The following LBR variants were observed in gnomAD, a reference collection of about 807,000 sequenced individuals.
LBR encodes lamin B receptor, also known as delta(14)-sterol reductase LBR.
LBR carries 28 observed loss-of-function variants against 74.3 expected under a neutral mutation model. The observed-to-expected ratio is 0.38, with a 90% CI of 0.28 to 0.52. The LOEUF (loss-of-function observed/expected upper bound fraction) is 0.52. LBR is among the 20% of genes least tolerant of loss of function. The pLI is 0.89. For missense variants in LBR, 717 were observed against 760.3 expected (o/e 0.94, Z 0.67); for synonymous variants, 228 against 269.3 (o/e 0.85, Z 1.50).
rs1265688339 is a variant in LBR, at chr1:225,412,601, G to C, written c.937C>G (p.Leu313Val). Residue 313 changes from leucine to valine, a missense_variant, in exon 8 of 14, where the codon CTC becomes GTC. Coordinates refer to ENST00000272163, the MANE Select transcript of LBR (RefSeq NM_002296.4). The part of the protein sequence containing the change: ...ILTSAVIGTS[L>V]FQGVEFHYVY... ...TAATGAAACTCTACGCCCTGGAAGAGAGATGTTCCGATGACTGCAGATGTC... is the reference window on the plus strand; with the variant it reads ...TAATGAAACTCTACGCCCTGGAAGACAGATGTTCCGATGACTGCAGATGTC... The C allele has an allele frequency of 1.2e-6, 2 of 1,610,038 alleles. No homozygotes were observed. Among genetic ancestry groups the C allele is most frequent in the Non-Finnish European group, 8.5e-7 (1 of 1,178,170 alleles).
Position 225,403,592 on chromosome 1 carries a change from A to C in LBR, c.1688-129T>G, listed in dbSNP as rs2096085576. 10 of 717,072 alleles carry C rather than the reference A, an allele frequency of 1.4e-5. No homozygotes were observed. In the South Asian group the frequency reaches 1.6e-4, roughly 11 times the overall value. The allele number at this position is 717,072 out of a possible 1,614,324, so 44.4% of individuals were successfully genotyped here. On this transcript the variant is annotated intron_variant, in intron 13 of 13. Transcript: ENST00000272163. ...TTCATTTTCTCTAATAATGATGAGAATAATTAAACAAGTCTGTAAAATCCC... is the reference window on the plus strand; with the variant it reads ...TTCATTTTCTCTAATAATGATGAGACTAATTAAACAAGTCTGTAAAATCCC...
At chr1:225,424,414 A>G (rs1223257924) in intron 1 of LBR, among the ~76,000 whole-genome samples, 1 of 152,260 alleles carries the variant, frequency 6.6e-6, no homozygotes. Context: ...ACATTTTCTC[A>G]TTTGTAAATT....
At chr1:225,423,464 T>A (rs1417522) in intron 2 of LBR, among the ~76,000 whole-genome samples, 30 of 150,578 alleles carry the variant, frequency 2.0e-4, no homozygotes, top group Non-Finnish European at 2.7e-4. Flanking sequence ...CTTCCAGCAC[T>A]TGGCTGACTG....
chr1:225,418,144 A>G lies in LBR; in HGVS notation c.677T>C (p.Leu226Pro). The G allele has an allele frequency of 6.2e-7, 1 of 1,614,172 alleles. No homozygotes were observed. The highest frequency in any genetic ancestry group is 8.5e-7 in the Non-Finnish European group (1 of 1,179,980). Residue 226 changes from leucine (L) to proline (P), a missense_variant, in exon 6 of 14, where the codon CTC becomes CCC. By Grantham distance (98) the Leu-to-Pro change is moderately conservative (BLOSUM62 -3). Coordinates refer to ENST00000272163, the MANE Select transcript of LBR (RefSeq NM_002296.4). ...TTTACACATCAACAGCAACAGGAAG[A>G]GGAACACAGGCAGGCCAAACATGAT... The part of the protein sequence containing the change: ...FLIMFGLPVF[L>P]FLLLLMCKQK...
intron 6 of LBR, among the ~76,000 whole-genome samples, chr1:225,416,446 T>C (rs1013987440): frequency 5.9e-5 from 9 of 152,250 alleles, no homozygotes; most frequent in South Asian, 2.1e-4. Context: ...ATAGTATCAT[T>C]TGCTCTGGGC....
rs1218440650 is a variant in LBR, at chr1:225,419,435, T to G, written c.468A>C (p.Ser156=). Reference sequence around the variant, plus strand: ...GTGTTGCTATGTAACTGCTTTCTTGTGACAAACTGAATTTTTCCTAAATGA... The same window carrying G: ...GTGTTGCTATGTAACTGCTTTCTTGGGACAAACTGAATTTTTCCTAAATGA... ...HKNTQEKFSL[S]QESSYIATQY... Residue 156 remains serine, a synonymous_variant, in exon 5 of 14, where the codon TCA becomes TCC. Transcript: ENST00000272163. The G allele has an allele frequency of 6.2e-7, 1 of 1,612,352 alleles. No individual in the cohort carries two copies. The highest frequency in any genetic ancestry group is 8.5e-7 in the Non-Finnish European group (1 of 1,178,598).
chr1:225,403,060 T>C lies in LBR; in HGVS notation c.*243A>G. 2.0e-6 allele frequency: 1 copy of C among 501,656 alleles called. No individual in the cohort carries two copies. The highest frequency in any genetic ancestry group is 2.4e-5 in the South Asian group (1 of 42,334). The allele number at this position is 501,656 out of a possible 1,614,324, so 31.1% of individuals were successfully genotyped here. On this transcript the variant is annotated 3_prime_UTR_variant, in exon 14 of 14. Coordinates refer to ENST00000272163, the MANE Select transcript of LBR (RefSeq NM_002296.4). Reference sequence around the variant, plus strand: ...GTTTTCAGATTAAGGGTTGAAAATTTCCCATTAAAATGCAAATTCTCACAT... The same window carrying C: ...GTTTTCAGATTAAGGGTTGAAAATTCCCCATTAAAATGCAAATTCTCACAT...
At chr1:225,409,592 T>C (rs2096100286) in intron 10 of LBR, among the ~76,000 whole-genome samples, 1 of 152,172 alleles carries the variant, frequency 6.6e-6, no homozygotes, top group African/African-American at 2.4e-5. Context: ...TTGTTTTTAA[T>C]ATGGAAAGAA....
Position 225,403,134 on chromosome 1 carries a change from A to G in LBR, c.*169T>C, listed in dbSNP as rs1422336481. 4 of 622,174 alleles carry G rather than the reference A, an allele frequency of 6.4e-6. No individual in the cohort carries two copies. Among genetic ancestry groups the G allele is most frequent in the Non-Finnish European group, 8.5e-6 (3 of 353,510 alleles). The allele number at this position is 622,174 out of a possible 1,614,324, so 38.5% of individuals were successfully genotyped here. A position where few individuals can be genotyped will look rare whatever the true frequency, so the allele number is the denominator to read the frequency against. On this transcript the variant is annotated 3_prime_UTR_variant, in exon 14 of 14. Coordinates refer to ENST00000272163, the MANE Select transcript of LBR (RefSeq NM_002296.4). ...TAACTGTAAGTTAATACAAGTAAAC[A>G]CGGCTATATTAAAAGATCAACTACT...
intron 2 of LBR, among the ~76,000 whole-genome samples, chr1:225,422,714 T>C (rs562035785): frequency 6.6e-6 from 1 of 152,096 alleles, no homozygotes; most frequent in African/African-American, 2.4e-5. Context: ...TGAGCTTGGA[T>C]GACTGGGAAC....
intron 10 of LBR, among the ~76,000 whole-genome samples, chr1:225,409,400 C>T (rs985317916): frequency 5.3e-5 from 8 of 152,018 alleles, no homozygotes; most frequent in Admixed American, 5.2e-4. Flanking sequence ...CATAGAAGGC[C>T]AAAATTAAAG....
rs954946766 is a variant in LBR at position 225,406,757 on chromosome 1, C to A, written c.1390G>T (p.Val464Phe). The A allele has an allele frequency of 6.2e-7, 1 of 1,614,110 alleles. No homozygotes were observed. The highest frequency in any genetic ancestry group is 1.3e-5 in the African/African-American group (1 of 75,036). Residue 464 changes from valine to phenylalanine, a missense_variant, in exon 11 of 14, where the codon GTT becomes TTT. Physicochemically the swap from Val to Phe is conservative, Grantham distance 50. Transcript: ENST00000272163. ...GCTTGGAAGCTGTAAATAAAGGGAA[C>A]CCACACCAAGTCTCCAAAAGCCAGC... is the stretch of plus-strand genomic sequence containing the variant. ...FMLAFGDLVW[V>F]PFIYSFQAFY...
chr1:225,416,596 A>C (rs2096117537), intron 6 of LBR, among the ~76,000 whole-genome samples: 2 of 152,236 alleles, frequency 1.3e-5, no homozygotes, highest in Admixed American at 6.5e-5. Flanking sequence ...TATCTATTAA[A>C]GGAGTCTAGT....
Position 225,403,373 on chromosome 1 carries a change from T to C in LBR, c.1778A>G (p.Lys593Arg). 1 of 1,613,782 alleles carries C rather than the reference T, an allele frequency of 6.2e-7. No homozygotes were observed. Among genetic ancestry groups the C allele is most frequent in the South Asian group, 1.1e-5 (1 of 91,062 alleles). Residue 593 changes from lysine to arginine, a missense_variant, in exon 14 of 14, where the codon AAG becomes AGG. Transcript: ENST00000272163. ...REARDEYHCK[K>R]KYGVAWEKYC... ...CTTTTCCCAAGCCACGCCGTATTTC[T>C]TCTTACAGTGGTACTCGTCACGAGC...
chr1:225,402,928 T>A lies in LBR; in HGVS notation c.*375A>T, dbSNP rs1304186013. Reference sequence around the variant, plus strand: ...TACTTTAAATGGAACAGTGTTTTCATTTAAGAAAAGCCAACTGGCAAAAAA... The same window carrying A: ...TACTTTAAATGGAACAGTGTTTTCAATTAAGAAAAGCCAACTGGCAAAAAA... On this transcript the variant is annotated 3_prime_UTR_variant, in exon 14 of 14. Transcript: ENST00000272163. 5.2e-6 allele frequency: 1 copy of A among 192,908 alleles called. No individual in the cohort carries two copies. The highest frequency in any genetic ancestry group is 1.4e-4 in the East Asian group (1 of 7,136). 11.9% of individuals were successfully genotyped at this position (192,908 alleles called of 1,614,324 possible). A position where few individuals can be genotyped will look rare whatever the true frequency, so the allele number is the denominator to read the frequency against.
intron 11 of LBR, 179 bp downstream of exon 11, chr1:225,406,485 T>C (rs2096091882): frequency 3.4e-6 from 2 of 590,448 alleles, no homozygotes; most frequent in African/African-American, 3.7e-5. Context: ...AGAACCCAAG[T>C]ACGAACCATC....
chr1:225,422,346 A>AAG, intron 2 of LBR, 69 bp from the exon 3 acceptor site: 1 of 1,284,156 alleles, frequency 7.8e-7, no homozygotes, highest in South Asian at 1.2e-5. Context: ...CCCACACTAG[A>AAG]AGAGGATAAC....
chr1:225,424,193 G>A, intron 1 of LBR, 104 bp from the exon 2 acceptor site: 1 of 923,890 alleles, frequency 1.1e-6, no homozygotes, highest in East Asian at 2.4e-5. Flanking sequence ...AGAATTGACT[G>A]GTCAGGATTT....
At chr1:225,417,688 A>G in intron 6 of LBR, 1 of 290,420 alleles carries the variant, frequency 3.4e-6, no homozygotes, top group Non-Finnish European at 6.6e-6. Flanking sequence ...TTTGGTTTGA[A>G]AAGTTACACA....
Sources: allele counts gnomAD v4.1 joint callset (sites outside exome capture counted in the v4.1 genomes callset), GRCh38; gene constraint gnomAD v4.1.1; transcripts MANE v1.5; gene names NCBI Gene and HGNC (gene_info 2026-07-23, HGNC 2026-07-21).